The following ABCA8 variants were observed in gnomAD, a reference collection of about 807,000 sequenced individuals.
ABCA8 encodes the protein ATP binding cassette subfamily A member 8.
In ABCA8, 177 loss-of-function variants were observed where a neutral mutation model predicts 192.3. The observed-to-expected ratio is 0.92, with a 90% CI of 0.81 to 1.04. ABCA8 has a LOEUF of 1.04. ABCA8 is among the 50% of genes least tolerant of loss of function. ABCA8 has a pLI of 0.00. For missense variants in ABCA8, 1,915 were observed against 1,904.8 expected (o/e 1.01, Z -0.10); for synonymous variants, 642 against 690.2 (o/e 0.93, Z 1.09).
chr17:68,948,504 G>T (rs1352599481), intron 2 of ABCA8, among the ~76,000 whole-genome samples: 1 of 152,140 alleles, frequency 6.6e-6, no homozygotes, highest in Non-Finnish European at 1.5e-5. Flanking sequence ...CAGTGGTGAT[G>T]AGTTTTTTTT....
At position 68,867,300 on chromosome 17, in the gene ABCA8, T is replaced by C. The variant is rs1419743334; in HGVS notation, c.*785A>G. 6.6e-6 allele frequency: 1 copy of C among 152,166 alleles called. No homozygotes were observed. Among genetic ancestry groups the C allele is most frequent in the Non-Finnish European group, 1.5e-5 (1 of 68,024 alleles). 9.4% of individuals were successfully genotyped at this position (152,166 alleles called of 1,614,324 possible). ...AAATAGAAAACGTATTTCAAAACTA[T>C]ATATATGAGATTTATTTCACATTTT... is the stretch of plus-strand genomic sequence containing the variant. On this transcript the variant is annotated 3_prime_UTR_variant, in exon 40 of 40. Transcript: ENST00000586539.
chr17:68,942,039 T>G lies in ABCA8; in HGVS notation c.-5A>C. 6.3e-7 allele frequency: 1 copy of G among 1,596,256 alleles called. No individual in the cohort carries two copies. The highest frequency in any genetic ancestry group is 1.1e-5 in the South Asian group (1 of 88,640). On this transcript the variant is annotated splice_region_variant and 5_prime_UTR_variant, in exon 3 of 40. It removes the in-frame stop codon of an upstream open reading frame in the 5' UTR. Transcript: ENST00000586539. ...ACTGATCTTTCTCTTCCTCATCTTG[T>G]CTTGTTTAATGAAAAAGAAAGAAGA...
chr17:68,894,205 G>A lies in ABCA8; in HGVS notation c.3004C>T (p.His1002Tyr). The A allele has an allele frequency of 1.2e-6, 2 of 1,613,324 alleles. No individual in the cohort carries two copies. The highest frequency in any genetic ancestry group is 1.1e-5 in the South Asian group (1 of 91,076). ...AATGTACTTCTTTCAGTTCGGATATGTACTGATGGTTTAACCATTCCAAGT... is the reference window on the plus strand; with the variant it reads ...AATGTACTTCTTTCAGTTCGGATATATACTGATGGTTTAACCATTCCAAGT... The part of the protein sequence containing the change: ...GLLGMVKPSV[H>Y]IRTERSTFLE... The change falls in exon 23 of 40, where the codon CAT (histidine) becomes TAT (tyrosine). Residue 1002 changes from histidine (H) to tyrosine (Y), a missense_variant. Coordinates refer to ENST00000586539, the MANE Select transcript of ABCA8 (RefSeq NM_001288985.2).
rs2066171003 is a variant in ABCA8, at chr17:68,875,336, C to T, written c.4555G>A (p.Val1519Met). ...GGCTCCACTTGTGCCAGGTTCTTCA[C>T]CTTCATCTCCAGCAGGTAATCTTTG... is the stretch of plus-strand genomic sequence containing the variant. ...FGKDYLLEMK[V>M]KNLAQVEPLH... Residue 1519 changes from valine to methionine, a missense_variant, in exon 37 of 40, where the codon GTG becomes ATG. Transcript: ENST00000586539. The T allele has an allele frequency of 6.2e-7, 1 of 1,614,006 alleles. No homozygotes were observed. Among genetic ancestry groups the T allele is most frequent in the South Asian group, 1.1e-5 (1 of 91,086 alleles).
intron 23 of ABCA8, among the ~76,000 whole-genome samples, chr17:68,893,734 TC>T (rs1373387230): frequency 3.7e-4 from 51 of 138,160 alleles, no homozygotes; most frequent in African/African-American, 6.7e-4. Flanking sequence ...TTTTTTTTTT[TC>T]CTTTTCTTTT....
intron 17 of ABCA8, among the ~76,000 whole-genome samples, chr17:68,908,986 T>C (rs550711925): frequency 6.6e-6 from 1 of 152,280 alleles, no homozygotes; most frequent in East Asian, 1.9e-4. Context: ...GACACATAAG[T>C]CATGTATGAA....
intron 11 of ABCA8, among the ~76,000 whole-genome samples, chr17:68,924,351 A>G (rs2067633140): frequency 6.6e-6 from 1 of 151,860 alleles, no homozygotes; most frequent in South Asian, 2.1e-4. Flanking sequence ...CGTCAAAAAA[A>G]AAAAAAAGGG....
chr17:68,924,895 A>G, intron 10 of ABCA8, 26 bp from the exon 11 acceptor site: 2 of 1,609,718 alleles, frequency 1.2e-6, no homozygotes, highest in South Asian at 1.1e-5. Flanking sequence ...ACAATTAAAT[A>G]TTGGGTCAAT....
In ABCA8 at chr17:68,887,911, T is replaced by TATGTCC. The variant is rs1555607398; in HGVS notation, c.3145-406_3145-405insGGACAT. On this transcript the variant is annotated intron_variant, in intron 24 of 39. Coordinates refer to ENST00000586539, the MANE Select transcript of ABCA8 (RefSeq NM_001288985.2). ...ATATATATATATATATATATATCCA[T>TATGTCC]ATATATATATATATTATATATGGAT... 4.0e-3 allele frequency among the ~76,000 whole-genome samples: 79 copies of TATGTCC among 19,960 alleles called. 2 individuals are homozygous for TATGTCC. The highest frequency in any genetic ancestry group is 0.024 in the African/African-American group (74 of 3,108). The allele number at this position is 19,960 out of a possible 152,430, so 13.1% of individuals were successfully genotyped here. A position where few individuals can be genotyped will look rare whatever the true frequency, so the allele number is the denominator to read the frequency against.
At position 68,903,416 on chromosome 17, in the gene ABCA8, G is replaced by A. The variant is rs747896533; in HGVS notation, c.2482C>T (p.Leu828Phe). 6.2e-7 allele frequency: 1 copy of A among 1,614,058 alleles called. No homozygotes were observed. Among genetic ancestry groups the A allele is most frequent in the South Asian group, 1.1e-5 (1 of 90,976 alleles). The change falls in exon 20 of 40, where the codon CTT (leucine) becomes TTT (phenylalanine). Residue 828 changes from leucine to phenylalanine, a missense_variant. By Grantham distance (22) the Leu-to-Phe change is conservative (BLOSUM62 0). Transcript: ENST00000586539. Reference sequence around the variant, plus strand: ...CCTATTGTCTTTCTCATCTTGTTAAGTGAAGAGAGGACTTGTTCCATCTCA... The same window carrying A: ...CCTATTGTCTTTCTCATCTTGTTAAATGAAGAGAGGACTTGTTCCATCTCA... ...LVEMEQVLSS[L>F]NKMRKTIGGV...
At chr17:68,916,220 G>T (rs1369739225) in intron 17 of ABCA8, among the ~76,000 whole-genome samples, 1 of 151,872 alleles carries the variant, frequency 6.6e-6, no homozygotes, top group Non-Finnish European at 1.5e-5. Flanking sequence ...ATTCTTCACA[G>T]ATTATATTAC....
chr17:68,869,142 A>G lies in ABCA8; in HGVS notation c.4711+558T>C, dbSNP rs1299101092. On this transcript the variant is annotated intron_variant, in intron 38 of 39. Transcript: ENST00000586539. Reference sequence around the variant, plus strand: ...CAAAGATATATCACTGAGCAGTGACAATGAAAACAGTATAGCGAGAGAGTT... The same window carrying G: ...CAAAGATATATCACTGAGCAGTGACGATGAAAACAGTATAGCGAGAGAGTT... Among the ~76,000 whole-genome samples, 6 of 152,192 alleles carry G rather than the reference A, an allele frequency of 3.9e-5. 1 individual carries two copies. The East Asian group carries it at 1.2e-3, about 29-fold the overall frequency.
At chr17:68,910,053 T>C (rs2067193648) in intron 17 of ABCA8, among the ~76,000 whole-genome samples, 1 of 152,158 alleles carries the variant, frequency 6.6e-6, no homozygotes, top group South Asian at 2.1e-4. Context: ...CAATAGAAGA[T>C]TTAGGAGGGG....
rs990249643 is a variant in ABCA8 at position 68,876,633 on chromosome 17, T to G, written c.4270A>C (p.Arg1424=). 1 of 1,614,204 alleles carries G rather than the reference T, an allele frequency of 6.2e-7. No individual in the cohort carries two copies. The highest frequency in any genetic ancestry group is 8.5e-7 in the Non-Finnish European group (1 of 1,180,024). Residue 1424 remains arginine, a synonymous_variant, in exon 34 of 40, where the codon AGA becomes CGA. Coordinates refer to ENST00000586539, the MANE Select transcript of ABCA8 (RefSeq NM_001288985.2). The part of the protein sequence containing the change: ...PVKTLSEGIK[R]KLCFVLSILG... Reference sequence around the variant, plus strand: ...ACACCAAGCCCTGCCCGTACCTTTCTCTTTATTCCCTCTGACAAGGTCTTC... The same window carrying G: ...ACACCAAGCCCTGCCCGTACCTTTCGCTTTATTCCCTCTGACAAGGTCTTC...
Position 68,875,407 on chromosome 17 carries a change from GATGAGGTCAT to G in ABCA8, c.4491-17_4491-8del. ...TTGGATGGAACCGATACATCTGGAG[GATGAGGTCAT>G]ATGAGAAAGGAGAAAAAAAAAACCA... On this transcript the variant is annotated splice_region_variant and splice_polypyrimidine_tract_variant and intron_variant, in intron 36 of 39. Transcript: ENST00000586539. 6.2e-7 allele frequency: 1 copy of G among 1,613,856 alleles called. No homozygotes were observed. The highest frequency in any genetic ancestry group is 8.5e-7 in the Non-Finnish European group (1 of 1,179,930).
At chr17:68,884,500 T>C (rs1292615526) in intron 27 of ABCA8, 104 bp from the exon 28 acceptor site, 4 of 1,406,270 alleles carry the variant, frequency 2.8e-6, no homozygotes, top group East Asian at 2.7e-5. Flanking sequence ...CATTTGACCA[T>C]GAATATCACC....
chr17:68,902,797 C>A lies in ABCA8; in HGVS notation c.2680G>T (p.Glu894Ter), dbSNP rs558911963. Residue 894 changes from glutamate (E) to a stop codon, truncating the protein, a stop_gained, in exon 21 of 40, where the codon GAA becomes TAA. Transcript: ENST00000586539. LOFTEE classifies it high-confidence loss of function. The stretch of plus-strand genomic sequence containing the variant: ...AGGAAATACAAATGAGGAGAAAGTT[C>A]CCAGGTGTAACTGTTTTGATATATT... ...VKIYQNSYTW[E>*]LSPHLYFLAP... The A allele has an allele frequency of 6.2e-7, 1 of 1,613,620 alleles. No individual in the cohort carries two copies. Among genetic ancestry groups the A allele is most frequent in the Admixed American group, 1.7e-5 (1 of 60,002 alleles).
chr17:68,884,865 G>A (rs2066420873), intron 27 of ABCA8: 4 of 984,804 alleles, frequency 4.1e-6, no homozygotes, highest in Non-Finnish European at 4.8e-6. Flanking sequence ...TTAGAACTCT[G>A]AAATCCCAAA....
intron 5 of ABCA8, among the ~76,000 whole-genome samples, chr17:68,933,636 A>G (rs1398846208): frequency 6.6e-6 from 1 of 152,202 alleles, no homozygotes; most frequent in Non-Finnish European, 1.5e-5. Flanking sequence ...AGAGCCTAAC[A>G]TGGATTGAGA....
Sources: allele counts gnomAD v4.1 joint callset (sites outside exome capture counted in the v4.1 genomes callset), GRCh38; gene constraint gnomAD v4.1.1; transcripts MANE v1.5; gene names NCBI Gene and HGNC (gene_info 2026-07-23, HGNC 2026-07-21).